CAPN5: variants seen among roughly 807,000 people sequenced by gnomAD.
The protein encoded by CAPN5 is calpain 5, also known as calpain-5.
CAPN5 carries 54 observed loss-of-function variants against 73.0 expected under a neutral mutation model. That is an observed-to-expected ratio of 0.74 (90% CI 0.59 to 0.93). The LOEUF (loss-of-function observed/expected upper bound fraction) is 0.93, where lower values mean the gene tolerates loss of function less well. Among genes scored for constraint, CAPN5 ranks in the 40% least tolerant of loss-of-function variants. CAPN5 has a pLI of 0.00. For synonymous variants in CAPN5, 335 were observed against 356.9 expected, an observed-to-expected ratio of 0.94 and a Z score of 0.69; for missense variants, 785 against 882.9, an observed-to-expected ratio of 0.89 and a Z score of 1.41.
chr11:77,086,178 C>T (rs1950084289), intron 2 of CAPN5, among the ~76,000 whole-genome samples: 1 of 152,196 alleles, frequency 6.6e-6, no homozygotes, highest in South Asian at 2.1e-4. Flanking sequence ...CAAAGGCTTT[C>T]AGCAGCCTGT....
rs747345728 is a variant in CAPN5, at chr11:77,115,471, T to C, written c.776T>C (p.Val259Ala). 22 of 1,613,054 alleles carry C rather than the reference T, an allele frequency of 1.4e-5. No homozygotes were observed. The highest frequency in any genetic ancestry group is 1.3e-5 in the Non-Finnish European group (15 of 1,179,926). ...GGCCACGCATACGCCGTCACTGATG[T>C]GCGCAAGGTGCGCCTGGGCCACGGC... ...VKGHAYAVTD[V>A]RKVRLGHGLL... Residue 259 changes from valine (V) to alanine (A), a missense_variant, in exon 6 of 13, where the codon GTG becomes GCG. Transcript: ENST00000648180.
chr11:77,085,033 C>T lies in CAPN5; in HGVS notation c.147C>T (p.Val49=), dbSNP rs1950070519. Residue 49 remains valine, a synonymous_variant, in exon 2 of 13, where the codon GTC becomes GTT. Coordinates refer to ENST00000648180, the MANE Select transcript of CAPN5 (RefSeq NM_004055.5). ...ATAAGGGCACGCCGGGGCCCGCCGTCAGGTGGAAGCGACCCAAGGTCAGTG... is the reference window on the plus strand; with the variant it reads ...ATAAGGGCACGCCGGGGCCCGCCGTTAGGTGGAAGCGACCCAAGGTCAGTG... The part of the protein sequence containing the change: ...LYYKGTPGPA[V]RWKRPKGICE... The T allele has an allele frequency of 6.2e-7, 1 of 1,613,490 alleles. No individual in the cohort carries two copies. The highest frequency in any genetic ancestry group is 1.3e-5 in the African/African-American group (1 of 75,078).
intron 2 of CAPN5, among the ~76,000 whole-genome samples, chr11:77,087,103 G>A (rs944666143): frequency 6.6e-6 from 1 of 152,222 alleles, no homozygotes; most frequent in African/African-American, 2.4e-5. Flanking sequence ...GGCCCAAGGG[G>A]CAGCAGTGAT....
intron 7 of CAPN5, 123 bp downstream of exon 7, chr11:77,116,426 G>A: frequency 1.3e-6 from 1 of 755,964 alleles, no homozygotes; most frequent in Non-Finnish European, 2.3e-6. Context: ...AATTTGCTGT[G>A]TGGCCTTGGA....
rs377136048 is a variant in CAPN5, at chr11:77,093,857, C to A, written c.297+44C>A. 29 of 1,594,468 alleles carry A rather than the reference C, an allele frequency of 1.8e-5. No homozygotes were observed. The African/African-American group carries it at 3.2e-4, about 18-fold the overall frequency. On this transcript the variant is annotated intron_variant, in intron 3 of 12. Transcript: ENST00000648180. ...TGGGCAGGGTGCTGGGGAGTGTGAACGCAGCCTGTGGCCCTCACTGCCAGA... is the reference window on the plus strand; with the variant it reads ...TGGGCAGGGTGCTGGGGAGTGTGAAAGCAGCCTGTGGCCCTCACTGCCAGA...
At position 77,124,196 on chromosome 11, in the gene CAPN5, C is replaced by T; in HGVS notation, c.*326C>T. ...GCCGAGGAGCGCCAAGAAGATGTCA[C>T]TTGTTTACACACGAACTGCCACATC... On this transcript the variant is annotated 3_prime_UTR_variant, in exon 13 of 13. Transcript: ENST00000648180. The T allele has an allele frequency of 3.4e-6, 1 of 293,784 alleles. No homozygotes were observed. Among genetic ancestry groups the T allele is most frequent in the Admixed American group, 4.8e-5 (1 of 21,020 alleles). 18.2% of individuals were successfully genotyped at this position (293,784 alleles called of 1,614,324 possible). A position where few individuals can be genotyped will look rare whatever the true frequency, so the allele number is the denominator to read the frequency against.
intron 3 of CAPN5, among the ~76,000 whole-genome samples, chr11:77,108,048 C>T (rs76890292): frequency 3.3e-5 from 5 of 152,306 alleles, no homozygotes; most frequent in Admixed American, 2.0e-4. Context: ...GAGGTGGCCC[C>T]GTTGAAAGTG....
Position 77,100,871 on chromosome 11 carries a change from A to G in CAPN5, c.297+7058A>G, listed in dbSNP as rs185114898. Among the ~76,000 whole-genome samples, 440 of 152,082 alleles carry G rather than the reference A, an allele frequency of 2.9e-3. 3 individuals are homozygous for G. Among genetic ancestry groups the G allele is most frequent in the African/African-American group, 0.01 (425 of 41,458 alleles). On this transcript the variant is annotated intron_variant, in intron 3 of 12. Transcript: ENST00000648180. ...TGTCTTAGTTCTCCATCTCCTTTCT[A>G]TCAGCCTTCACCTTCAGCCGCCTCA...
At position 77,100,020 on chromosome 11, in the gene CAPN5, A is replaced by G. The variant is rs1438268130; in HGVS notation, c.297+6207A>G. Among the ~76,000 whole-genome samples the G allele has an allele frequency of 2.6e-5, 4 of 152,016 alleles. No individual in the cohort carries two copies. The East Asian group carries it at 5.8e-4, about 22-fold the overall frequency. On this transcript the variant is annotated intron_variant, in intron 3 of 12. Coordinates refer to ENST00000648180, the MANE Select transcript of CAPN5 (RefSeq NM_004055.5). Reference sequence around the variant, plus strand: ...CCCGGCTAATTTTTGTATTTTTAGTAGAGATGGGGTTTCACCACGTTGGCC... The same window carrying G: ...CCCGGCTAATTTTTGTATTTTTAGTGGAGATGGGGTTTCACCACGTTGGCC...
At chr11:77,084,615 T>C (rs1282462414) in intron 1 of CAPN5, among the ~76,000 whole-genome samples, 3 of 152,146 alleles carry the variant, frequency 2.0e-5, no homozygotes, top group Admixed American at 2.0e-4. Flanking sequence ...GAGCTCTGTG[T>C]GGCCTGTGGG....
At chr11:77,109,614 G>A (rs1183741016) in intron 3 of CAPN5, among the ~76,000 whole-genome samples, 1 of 152,106 alleles carries the variant, frequency 6.6e-6, no homozygotes, top group South Asian at 2.1e-4. Context: ...CTTGGTTTCC[G>A]GCGTGGCGTG....
In CAPN5 at chr11:77,123,734, A is replaced by C; in HGVS notation, c.1787A>C (p.His596Pro). 6.2e-7 allele frequency: 1 copy of C among 1,613,540 alleles called. No homozygotes were observed. Reference protein sequence around the residue: ...VLKDEFLGQVHLKADPDNLQA... With the variant: ...VLKDEFLGQVPLKADPDNLQA... Reference sequence around the variant, plus strand: ...AAGGATGAATTTCTGGGCCAGGTGCACCTAAAGGCTGACCCGGACAACCTC... The same window carrying C: ...AAGGATGAATTTCTGGGCCAGGTGCCCCTAAAGGCTGACCCGGACAACCTC... Residue 596 changes from histidine (H) to proline (P), a missense_variant, in exon 13 of 13, where the codon CAC (histidine) becomes CCC (proline). Transcript: ENST00000648180.
intron 2 of CAPN5, 33 bp from the exon 3 acceptor site, chr11:77,093,649 G>GCC: frequency 1.3e-6 from 2 of 1,539,900 alleles, no homozygotes; most frequent in Non-Finnish European, 1.7e-6. Context: ...ATGCTCCTCC[G>GCC]CCCCTCACGC....
chr11:77,088,551 A>G (rs782773102), intron 2 of CAPN5, among the ~76,000 whole-genome samples: 16 of 151,848 alleles, frequency 1.1e-4, no homozygotes, highest in African/African-American at 3.9e-4. Context: ...TGCAGAGGGG[A>G]TGGGCTGTAG....
At chr11:77,093,518 G>A (rs1312498587) in intron 2 of CAPN5, among the ~76,000 whole-genome samples, 164 bp from the exon 3 acceptor site, 3 of 152,202 alleles carry the variant, frequency 2.0e-5, no homozygotes, top group Non-Finnish European at 4.4e-5. Flanking sequence ...GAGCAGATGG[G>A]CCCTATGGGG....
intron 1 of CAPN5, among the ~76,000 whole-genome samples, chr11:77,079,920 T>A (rs1435935742): frequency 6.6e-6 from 1 of 152,160 alleles, no homozygotes; most frequent in Non-Finnish European, 1.5e-5. Flanking sequence ...GCACTTTTTC[T>A]TCCATTTTTA....
intron 1 of CAPN5, among the ~76,000 whole-genome samples, chr11:77,083,930 C>T (rs1950054482): frequency 6.6e-6 from 1 of 152,230 alleles, no homozygotes; most frequent in African/African-American, 2.4e-5. Context: ...AAATTGTGGC[C>T]TTTACCCCAA....
At chr11:77,112,542 A>C in intron 3 of CAPN5, 47 bp from the exon 4 acceptor site, 1 of 1,428,082 alleles carries the variant, frequency 7.0e-7, no homozygotes, top group Non-Finnish European at 9.9e-7. Context: ...GAAGCCGGAC[A>C]TCCCCTCACT....
Position 77,123,879 on chromosome 11 carries a change from C to A in CAPN5, c.*9C>A. ...CCCTCATGGCTGTCTGACACCTGCCCACCTACCTGGCTCTGACCGTTCCCA... is the reference window on the plus strand; with the variant it reads ...CCCTCATGGCTGTCTGACACCTGCCAACCTACCTGGCTCTGACCGTTCCCA... On this transcript the variant is annotated 3_prime_UTR_variant, in exon 13 of 13. Coordinates refer to ENST00000648180, the MANE Select transcript of CAPN5 (RefSeq NM_004055.5). 1 of 1,611,302 alleles carries A rather than the reference C, an allele frequency of 6.2e-7. No individual in the cohort carries two copies.
Sources: allele counts gnomAD v4.1 joint callset (sites outside exome capture counted in the v4.1 genomes callset), GRCh38; gene constraint gnomAD v4.1.1; transcripts MANE v1.5; gene names NCBI Gene and HGNC (gene_info 2026-07-23, HGNC 2026-07-21).